CCDC85A: variants seen among roughly 807,000 people sequenced by gnomAD.
CCDC85A encodes coiled-coil domain-containing protein 85A.
In CCDC85A, 38 loss-of-function variants were observed where a neutral mutation model predicts 50.2. The ratio of observed to expected loss-of-function variants is 0.76; its 90% CI spans 0.58 to 0.99. CCDC85A has a LOEUF of 0.99. CCDC85A is among the 50% of genes least tolerant of loss of function. The probability of loss-of-function intolerance (pLI) is 0.00; values close to 1 mark genes in which losing one functional copy is unlikely to be tolerated. For missense variants in CCDC85A, 820 were observed against 742.0 expected (o/e 1.11, Z -1.22); for synonymous variants, 366 against 301.4 (o/e 1.21, Z -2.22).
intron 2 of CCDC85A, among the ~76,000 whole-genome samples, chr2:56,276,471 T>C (rs1187663227): frequency 2.0e-5 from 3 of 152,076 alleles, no homozygotes; most frequent in African/African-American, 4.8e-5. Context: ...GATTGAATTA[T>C]GGGGGCAAGT....
chr2:56,352,271 G>A lies in CCDC85A; in HGVS notation c.1317+9316G>A, dbSNP rs17190191. On this transcript the variant is annotated intron_variant, in intron 3 of 5. Coordinates refer to ENST00000407595, the MANE Select transcript of CCDC85A (RefSeq NM_001080433.2). ...CTAAATATAAACATAATATAGATCC[G>A]AAATGTCATATACATAAAGATCTAT... Among the ~76,000 whole-genome samples, 610 of 152,116 alleles carry A rather than the reference G, an allele frequency of 4.0e-3. 8 individuals carry two copies. The highest frequency in any genetic ancestry group is 0.02 in the Admixed American group (304 of 15,282).
intron 2 of CCDC85A, among the ~76,000 whole-genome samples, chr2:56,276,789 A>AT (rs1418232235): frequency 6.6e-6 from 1 of 152,128 alleles, no homozygotes; most frequent in Non-Finnish European, 1.5e-5. Context: ...CAGGTTTGTT[A>AT]TGTACGTAAA....
chr2:56,274,821 G>A (rs1670855193), intron 2 of CCDC85A, among the ~76,000 whole-genome samples: 1 of 152,068 alleles, frequency 6.6e-6, no homozygotes. Flanking sequence ...CAATTCCAGA[G>A]CCTGGAAGTC....
chr2:56,332,123 G>C (rs1221187322), intron 2 of CCDC85A, among the ~76,000 whole-genome samples: 1 of 152,124 alleles, frequency 6.6e-6, no homozygotes, highest in African/African-American at 2.4e-5. Flanking sequence ...CCTTCCAGTG[G>C]GCATATGTAA....
At chr2:56,326,015 T>C (rs956980365) in intron 2 of CCDC85A, among the ~76,000 whole-genome samples, 38 of 152,236 alleles carry the variant, frequency 2.5e-4, no homozygotes, top group African/African-American at 7.2e-4. Context: ...TCAAGTATAA[T>C]GATAAGGAAG....
intron 2 of CCDC85A, among the ~76,000 whole-genome samples, chr2:56,292,988 C>T (rs1028465216): frequency 2.6e-5 from 4 of 152,180 alleles, no homozygotes; most frequent in African/African-American, 9.7e-5. Flanking sequence ...TCCAGCTTTT[C>T]CATGTCATGG....
rs183900653 is a variant in CCDC85A, at chr2:56,317,049, A to C, written c.1241-25830A>C. Among the ~76,000 whole-genome samples, 7 of 152,230 alleles carry C rather than the reference A, an allele frequency of 4.6e-5. No individual in the cohort carries two copies. The East Asian group carries it at 1.4e-3, about 29-fold the overall frequency. On this transcript the variant is annotated intron_variant, in intron 2 of 5. Transcript: ENST00000407595. ...AAATTTTAGCTTCAAATATTGGGAA[A>C]TTAACTAAGGTTATCTCATGTTATA... is the stretch of plus-strand genomic sequence containing the variant.
chr2:56,374,897 T>C (rs1264720751), intron 4 of CCDC85A, among the ~76,000 whole-genome samples: 1 of 152,204 alleles, frequency 6.6e-6, no homozygotes, highest in East Asian at 1.9e-4. Context: ...ATTGATAGAA[T>C]CAACTTGAAT....
At chr2:56,232,292 C>T (rs2869528) in intron 2 of CCDC85A, among the ~76,000 whole-genome samples, 125,916 of 152,032 alleles carry the variant, frequency 0.83, 52,185 homozygotes, top group Admixed American at 0.85. Flanking sequence ...TTAGCTATTT[C>T]CCCCCTGAGA....
intron 2 of CCDC85A, among the ~76,000 whole-genome samples, chr2:56,208,190 C>G (rs150206473): frequency 3.3e-3 from 505 of 151,248 alleles, no homozygotes; most frequent in Non-Finnish European, 6.0e-3. Flanking sequence ...GGTCACATGT[C>G]TGCTTTCAAT....
Position 56,184,240 on chromosome 2 carries a change from CG to C in CCDC85A, c.-379del, listed in dbSNP as rs1211382455. 2 of 951,268 alleles carry C rather than the reference CG, an allele frequency of 2.1e-6. No homozygotes were observed. Among genetic ancestry groups the C allele is most frequent in the Non-Finnish European group, 2.5e-6 (2 of 791,332 alleles). The allele number at this position is 951,268 out of a possible 1,614,324, so 58.9% of individuals were successfully genotyped here. A position where few individuals can be genotyped will look rare whatever the true frequency, so the allele number is the denominator to read the frequency against. ...ACGCCTGTGTGCAGGGCAGAGAGTG[CG>C]GGGGGCGACAGTCTCGGCTTAGGGC... On this transcript the variant is annotated 5_prime_UTR_variant, in exon 1 of 6. Coordinates refer to ENST00000407595, the MANE Select transcript of CCDC85A (RefSeq NM_001080433.2).
At chr2:56,239,734 T>C (rs1193702989) in intron 2 of CCDC85A, among the ~76,000 whole-genome samples, 1 of 152,176 alleles carries the variant, frequency 6.6e-6, no homozygotes, top group Non-Finnish European at 1.5e-5. Context: ...AAAAGGCATG[T>C]TCTGCCCTCA....
At chr2:56,253,218 A>G (rs72803016) in intron 2 of CCDC85A, among the ~76,000 whole-genome samples, 3,018 of 152,246 alleles carry the variant, frequency 0.02, 53 homozygotes, top group South Asian at 0.046. Context: ...ACGCCCATCA[A>G]GGATAAACTG....
At chr2:56,273,299 CA>C (rs1356277170) in intron 2 of CCDC85A, among the ~76,000 whole-genome samples, 1 of 151,870 alleles carries the variant, frequency 6.6e-6, no homozygotes, top group Non-Finnish European at 1.5e-5. Flanking sequence ...TTAAAATTCT[CA>C]AAACTGAAAG....
Position 56,184,529 on chromosome 2 carries a change from C to A in CCDC85A, c.-96C>A. The A allele has an allele frequency of 7.7e-7, 1 of 1,293,650 alleles. No individual in the cohort carries two copies. The highest frequency in any genetic ancestry group is 9.9e-7 in the Non-Finnish European group (1 of 1,013,404). The allele number at this position is 1,293,650 out of a possible 1,614,324, so 80.1% of individuals were successfully genotyped here. ...GCGGTGCCGCTGACTCGCCGGAGCGCACAGGGGTGTGGGCGGAGGCGGCCT... is the reference window on the plus strand; with the variant it reads ...GCGGTGCCGCTGACTCGCCGGAGCGAACAGGGGTGTGGGCGGAGGCGGCCT... On this transcript the variant is annotated 5_prime_UTR_variant, in exon 1 of 6. Coordinates refer to ENST00000407595, the MANE Select transcript of CCDC85A (RefSeq NM_001080433.2).
chr2:56,209,421 T>TA (rs1296879946), intron 2 of CCDC85A, among the ~76,000 whole-genome samples: 3 of 6,442 alleles, frequency 4.7e-4, no homozygotes, highest in Admixed American at 4.6e-3. Flanking sequence ...AGTCTGTTCC[T>TA]TTTTTTTTTT....
chr2:56,244,071 G>A (rs1392179498), intron 2 of CCDC85A, among the ~76,000 whole-genome samples: 5 of 152,108 alleles, frequency 3.3e-5, no homozygotes, highest in Non-Finnish European at 7.4e-5. Context: ...ACCACTACCT[G>A]TCTACTGCCT....
rs770326652 is a variant in CCDC85A, at chr2:56,381,826, G to A, written c.1573-2440G>A. On this transcript the variant is annotated intron_variant, in intron 5 of 5. Coordinates refer to ENST00000407595, the MANE Select transcript of CCDC85A (RefSeq NM_001080433.2). ...TTAGTCTCAATAGAGACCCATTACT[G>A]GATTGGATTTTGATTAGTTTTATGT... 9.9e-5 allele frequency among the ~76,000 whole-genome samples: 15 copies of A among 152,034 alleles called. No homozygotes were observed. In the South Asian group the frequency reaches 1.2e-3, roughly 13 times the overall value.
chr2:56,188,044 T>C (rs1676128833), intron 1 of CCDC85A, among the ~76,000 whole-genome samples: 2 of 152,198 alleles, frequency 1.3e-5, no homozygotes, highest in Admixed American at 1.3e-4. Context: ...TACTTGATAG[T>C]CTTCAGGCAT....
Sources: gnomAD v4.1 joint callset for allele counts (sites outside exome capture counted in the v4.1 genomes callset) on GRCh38, gnomAD v4.1.1 for gene constraint, MANE v1.5 for transcripts, NCBI Gene and HGNC (gene_info 2026-07-23, HGNC 2026-07-21) for gene names.